The following PXYLP1 variants were observed in gnomAD, a reference collection of about 807,000 sequenced individuals.
PXYLP1 encodes acid phosphatase-like 2.
PXYLP1 carries 17 observed loss-of-function variants against 37.9 expected under a neutral mutation model. The ratio of observed to expected loss-of-function variants is 0.45; its 90% CI spans 0.31 to 0.67. PXYLP1 has a LOEUF of 0.67. Among genes scored for constraint, PXYLP1 ranks in the 30% least tolerant of loss-of-function variants. The probability of loss-of-function intolerance (pLI) is 0.07; values close to 1 mark genes in which losing one functional copy is unlikely to be tolerated. For synonymous variants in PXYLP1, 221 were observed against 232.2 expected (o/e 0.95, Z 0.44); for missense variants, 511 against 612.0 (o/e 0.84, Z 1.74).
chr3:141,282,490 A>ACACACT (rs1258224480), intron 4 of PXYLP1, among the ~76,000 whole-genome samples: 1 of 150,294 alleles, frequency 6.7e-6, no homozygotes, highest in African/African-American at 2.5e-5. Flanking sequence ...ACAAACACAC[A>ACACACT]CACACACACA....
intron 4 of PXYLP1, 44 bp downstream of exon 4, chr3:141,279,548 T>C (rs1280299865): frequency 7.4e-6 from 12 of 1,611,870 alleles, no homozygotes; most frequent in African/African-American, 1.3e-5. Flanking sequence ...GTGTCTGTTA[T>C]ATCCTGTAGG....
intron 1 of PXYLP1, chr3:141,235,094 A>G (rs1429199701): frequency 6.6e-6 from 1 of 152,246 alleles, no homozygotes. Context: ...TCCCTGGACA[A>G]GGTTCCTGGT....
At chr3:141,254,138 C>A (rs1280613763) in intron 1 of PXYLP1, among the ~76,000 whole-genome samples, 1 of 152,118 alleles carries the variant, frequency 6.6e-6, no homozygotes, top group Non-Finnish European at 1.5e-5. Context: ...GTCTTGAACT[C>A]CTGTCCTCAA....
chr3:141,287,244 G>A (rs952483951), intron 4 of PXYLP1, 70 bp from the exon 5 acceptor site: 33 of 1,555,118 alleles, frequency 2.1e-5, no homozygotes, highest in Middle Eastern at 1.7e-4. Context: ...GATTTGGCTC[G>A]CTGAAGCTGG....
At chr3:141,245,679 AT>A (rs1230461251) in intron 1 of PXYLP1, among the ~76,000 whole-genome samples, 1 of 152,272 alleles carries the variant, frequency 6.6e-6, no homozygotes, top group Non-Finnish European at 1.5e-5. Flanking sequence ...CCTGCAGAGA[AT>A]TGGCACAAGG....
chr3:141,256,523 TACAC>T (rs906205779), intron 1 of PXYLP1, among the ~76,000 whole-genome samples: 31 of 151,812 alleles, frequency 2.0e-4, no homozygotes, highest in East Asian at 1.2e-3. Context: ...CACGTATACA[TACAC>T]ACACACACAC....
chr3:141,279,312 T>C (rs2148815922), intron 3 of PXYLP1, 66 bp from the exon 4 acceptor site: 4 of 1,595,440 alleles, frequency 2.5e-6, no homozygotes, highest in Non-Finnish European at 2.6e-6. Flanking sequence ...GTCATCCCCT[T>C]GGCCCCCTTC....
chr3:141,233,382 T>G (rs1375972999), intron 1 of PXYLP1, among the ~76,000 whole-genome samples: 1 of 150,608 alleles, frequency 6.6e-6, no homozygotes, highest in African/African-American at 2.5e-5. Flanking sequence ...GGAGAATCGC[T>G]TGCACCTGGG....
chr3:141,293,023 A>G lies in PXYLP1; in HGVS notation c.1261A>G (p.Ile421Val), dbSNP rs772998277. 1.9e-6 allele frequency: 3 copies of G among 1,614,062 alleles called. No homozygotes were observed. Among genetic ancestry groups the G allele is most frequent in the East Asian group, 2.2e-5 (1 of 44,888 alleles). Residue 421 changes from isoleucine to valine, a missense_variant, in exon 6 of 6, where the codon ATT (isoleucine) becomes GTT (valine). Ile to Val is a conservative substitution (Grantham distance 29, BLOSUM62 3). Coordinates refer to ENST00000286353, the MANE Select transcript of PXYLP1 (RefSeq NM_001037172.3). The stretch of plus-strand genomic sequence containing the variant: ...AAAGCCCAGTGAACATTCCGTCCGG[A>G]TTCTTTACAATGGCGTCGATGTCAC... ...REKPSEHSVR[I>V]LYNGVDVTFH...
At chr3:141,252,233 T>C (rs888252194) in intron 1 of PXYLP1, among the ~76,000 whole-genome samples, 6 of 152,166 alleles carry the variant, frequency 3.9e-5, no homozygotes, top group Non-Finnish European at 8.8e-5. Context: ...GTGCTGCCCT[T>C]TATTCAGGGC....
At chr3:141,261,545 A>T (rs1391707831) in intron 2 of PXYLP1, among the ~76,000 whole-genome samples, 1 of 152,248 alleles carries the variant, frequency 6.6e-6, no homozygotes. Flanking sequence ...CCAAAGTCAC[A>T]GTTTACCTAG....
rs1941470497 is a variant in PXYLP1 at position 141,264,952 on chromosome 3, G to A, written c.79+4698G>A. On this transcript the variant is annotated intron_variant, in intron 2 of 5. Transcript: ENST00000286353. ...TGAATTAGAGATCATTTATGGAAGA[G>A]TAGTATGAGAGACTAGAGTACAGGA... 2.0e-5 allele frequency among the ~76,000 whole-genome samples: 3 copies of A among 152,252 alleles called. No homozygotes were observed. In the South Asian group the frequency reaches 6.2e-4, roughly 32 times the overall value.
At chr3:141,249,084 G>A (rs1460324588) in intron 1 of PXYLP1, among the ~76,000 whole-genome samples, 1 of 151,846 alleles carries the variant, frequency 6.6e-6, no homozygotes, top group African/African-American at 2.4e-5. Context: ...TACTGACACT[G>A]TCAACCTCCT....
intron 1 of PXYLP1, among the ~76,000 whole-genome samples, chr3:141,242,949 A>G (rs1297408202): frequency 6.6e-6 from 1 of 152,212 alleles, no homozygotes; most frequent in Non-Finnish European, 1.5e-5. Context: ...TGCTCAGTAA[A>G]TATCTGAATG....
At position 141,292,210 on chromosome 3, in the gene PXYLP1, C is replaced by A; in HGVS notation, c.506-58C>A. ...GAGCCACACGCTGACTCCACCTCCC[C>A]TTGCTGTTTCTTTTGCTCAGCTGGA... is the stretch of plus-strand genomic sequence containing the variant. On this transcript the variant is annotated intron_variant, in intron 5 of 5. Coordinates refer to ENST00000286353, the MANE Select transcript of PXYLP1 (RefSeq NM_001037172.3). This position sits in a 1 kb window ranked among gnomAD's most constrained non-coding sequence, Gnocchi z 4.3. 1 of 1,506,914 alleles carries A rather than the reference C, an allele frequency of 6.6e-7. No individual in the cohort carries two copies. Among genetic ancestry groups the A allele is most frequent in the South Asian group, 1.3e-5 (1 of 76,072 alleles). The allele number at this position is 1,506,914 out of a possible 1,614,324, so 93.3% of individuals were successfully genotyped here. A position where few individuals can be genotyped will look rare whatever the true frequency, so the allele number is the denominator to read the frequency against.
At chr3:141,268,009 G>A (rs996481412) in intron 2 of PXYLP1, among the ~76,000 whole-genome samples, 8 of 152,072 alleles carry the variant, frequency 5.3e-5, no homozygotes, top group Non-Finnish European at 8.8e-5. Flanking sequence ...GTTTACTGCA[G>A]CATCATTTGT....
chr3:141,261,759 G>A (rs1287120192), intron 2 of PXYLP1, among the ~76,000 whole-genome samples: 1 of 151,136 alleles, frequency 6.6e-6, no homozygotes, highest in Non-Finnish European at 1.5e-5. Flanking sequence ...GCACTGCCTA[G>A]CACGTAGTAA....
At chr3:141,290,880 C>T (rs1942185176) in intron 5 of PXYLP1, among the ~76,000 whole-genome samples, 1 of 152,190 alleles carries the variant, frequency 6.6e-6, no homozygotes, top group Non-Finnish European at 1.5e-5. Context: ...ACAGTAAGCA[C>T]TCTAACTTTA....
rs750238675 is a variant in PXYLP1, at chr3:141,279,396, T to G, written c.257T>G (p.Phe86Cys). The stretch of plus-strand genomic sequence containing the variant: ...CGCGCAGGTCATGCCCCGCATCATT[T>G]TAAGCTGGTCTCAGTGCATGTGTTC... Reference protein sequence around the residue: ...RSMEGHAPHHFKLVSVHVFIR... With the variant: ...RSMEGHAPHHCKLVSVHVFIR... The change falls in exon 4 of 6, where the codon TTT (phenylalanine) becomes TGT (cysteine). Residue 86 changes from phenylalanine to cysteine, a missense_variant. Transcript: ENST00000286353. 4 of 1,614,228 alleles carry G rather than the reference T, an allele frequency of 2.5e-6. No individual in the cohort carries two copies. The highest frequency in any genetic ancestry group is 3.4e-6 in the Non-Finnish European group (4 of 1,180,026).
Sources: allele counts gnomAD v4.1 joint callset (sites outside exome capture counted in the v4.1 genomes callset), GRCh38; gene constraint gnomAD v4.1.1; non-coding constraint Gnocchi (gnomAD v3.1); transcripts MANE v1.5; gene names NCBI Gene and HGNC (gene_info 2026-07-23, HGNC 2026-07-21).